The following CSMD1 variants were observed in gnomAD, a reference collection of about 807,000 sequenced individuals.
The protein encoded by CSMD1 is CUB and sushi domain-containing protein 1.
A neutral mutation model predicts 417.5 loss-of-function variants in CSMD1; 213 were observed. That is an observed-to-expected ratio of 0.51 (90% confidence interval 0.46 to 0.57). The LOEUF (loss-of-function observed/expected upper bound fraction) is 0.57. CSMD1 is among the 20% of genes least tolerant of loss of function. The pLI is 0.00. For synonymous variants in CSMD1, 2,862 were observed against 1,736.8 expected, an observed-to-expected ratio of 1.65 and a Z score of -16.11; for missense variants, 6,923 against 4,529.7, an observed-to-expected ratio of 1.53 and a Z score of -15.17.
At chr8:4,482,280 G>T (rs144641315) in intron 2 of CSMD1, among the ~76,000 whole-genome samples, 5 of 152,136 alleles carry the variant, frequency 3.3e-5, no homozygotes, top group East Asian at 3.9e-4. Context: ...AGTGTGTGTT[G>T]TTCCTCTCTG....
chr8:3,276,312 C>G (rs550028554), intron 26 of CSMD1, among the ~76,000 whole-genome samples: 101 of 152,282 alleles, frequency 6.6e-4, no homozygotes, highest in African/African-American at 2.4e-3. Flanking sequence ...GGGAGAACCA[C>G]TGCTCTCTTC....
intron 5 of CSMD1, among the ~76,000 whole-genome samples, chr8:3,797,806 T>C (rs1050280892): frequency 6.6e-6 from 1 of 151,976 alleles, no homozygotes; most frequent in African/African-American, 2.4e-5. Context: ...TAGGTAGGTA[T>C]ATGTCTGACT....
intron 5 of CSMD1, among the ~76,000 whole-genome samples, chr8:3,819,862 G>A (rs1261197128): frequency 1.3e-5 from 2 of 152,110 alleles, no homozygotes; most frequent in African/African-American, 4.8e-5. Context: ...GATTTTGCAA[G>A]GGGTAAACTA....
intron 54 of CSMD1, among the ~76,000 whole-genome samples, chr8:2,997,297 T>C (rs1015033862): frequency 2.0e-5 from 3 of 152,234 alleles, no homozygotes; most frequent in East Asian, 3.8e-4. Flanking sequence ...CAACTTCTAA[T>C]CATTTTTTAA....
intron 13 of CSMD1, among the ~76,000 whole-genome samples, chr8:3,409,127 A>C (rs1000777637): frequency 2.0e-5 from 3 of 152,194 alleles, no homozygotes; most frequent in Admixed American, 1.3e-4. Flanking sequence ...GATACAGCAG[A>C]TCATCACTGG....
chr8:3,332,557 A>G (rs1418744151), intron 23 of CSMD1, among the ~76,000 whole-genome samples: 1 of 152,248 alleles, frequency 6.6e-6, no homozygotes, highest in South Asian at 2.1e-4. Context: ...CAGACAACAG[A>G]TTAACTACTG....
At chr8:3,633,847 C>G (rs780626575) in intron 7 of CSMD1, among the ~76,000 whole-genome samples, 18 of 152,112 alleles carry the variant, frequency 1.2e-4, no homozygotes, top group Non-Finnish European at 1.9e-4. Context: ...AAATATCAGG[C>G]TGTGAACATC....
intron 41 of CSMD1, among the ~76,000 whole-genome samples, chr8:3,141,954 T>C (rs374898108): frequency 0.031 from 4,656 of 152,024 alleles, 88 homozygotes; most frequent in African/African-American, 0.051. Flanking sequence ...CCCGCCACTA[T>C]GCCCAGCTAA....
chr8:4,765,247 T>C (rs1435605017), intron 1 of CSMD1, among the ~76,000 whole-genome samples: 1 of 152,186 alleles, frequency 6.6e-6, no homozygotes, highest in Non-Finnish European at 1.5e-5. Context: ...CTTACAATAA[T>C]GACTTTCCAT....
At chr8:3,263,709 G>C (rs1436408601) in intron 26 of CSMD1, among the ~76,000 whole-genome samples, 2 of 152,124 alleles carry the variant, frequency 1.3e-5, no homozygotes, top group Non-Finnish European at 2.9e-5. Context: ...AATAGTATTT[G>C]AATCACTTAT....
intron 12 of CSMD1, among the ~76,000 whole-genome samples, chr8:3,428,491 T>C (rs1735245313): frequency 6.6e-6 from 1 of 152,050 alleles, no homozygotes; most frequent in Admixed American, 6.6e-5. Context: ...AAAGAAGGTA[T>C]TCAAATAAAA....
intron 25 of CSMD1, among the ~76,000 whole-genome samples, chr8:3,306,782 G>C (rs1020680940): frequency 1.3e-5 from 2 of 151,916 alleles, no homozygotes; most frequent in Admixed American, 6.6e-5. Context: ...TTTGCCTTAT[G>C]TGCTATGGTT....
At chr8:4,758,570 C>G (rs114936148) in intron 1 of CSMD1, among the ~76,000 whole-genome samples, 1 of 152,194 alleles carries the variant, frequency 6.6e-6, no homozygotes, top group Admixed American at 6.5e-5. Flanking sequence ...CATTTTCTCA[C>G]TGCTATACCA....
At chr8:3,723,829 G>A (rs138083215) in intron 6 of CSMD1, among the ~76,000 whole-genome samples, 4 of 152,074 alleles carry the variant, frequency 2.6e-5, no homozygotes, top group African/African-American at 7.2e-5. Flanking sequence ...ACCAAATCAC[G>A]GATGAGTAAA....
intron 28 of CSMD1, among the ~76,000 whole-genome samples, chr8:3,221,529 A>AAAACAAACAAACAAAC (rs35213930): frequency 6.7e-6 from 1 of 150,182 alleles, no homozygotes; most frequent in Non-Finnish European, 1.5e-5. Context: ...CAGACACAGG[A>AAAACAAACAAACAAAC]AAACAAACAA....
At chr8:3,667,675 C>G (rs566656001) in intron 7 of CSMD1, among the ~76,000 whole-genome samples, 1 of 152,112 alleles carries the variant, frequency 6.6e-6, no homozygotes, top group Non-Finnish European at 1.5e-5. Context: ...GAGCAGTTGT[C>G]CACGCATGGT....
intron 2 of CSMD1, among the ~76,000 whole-genome samples, chr8:4,471,580 G>C (rs1361842250): frequency 2.0e-5 from 3 of 152,090 alleles, no homozygotes; most frequent in Non-Finnish European, 4.4e-5. Flanking sequence ...GCCCGTTTTA[G>C]AGAGAGGTGC....
chr8:4,820,505 G>C (rs17071587), intron 1 of CSMD1, among the ~76,000 whole-genome samples: 44,795 of 152,004 alleles, frequency 0.29, 7,733 homozygotes, highest in Admixed American at 0.46. Context: ...TAAGGAAATG[G>C]CCAACCTCCT....
intron 7 of CSMD1, among the ~76,000 whole-genome samples, chr8:3,688,632 A>T (rs1800069971): frequency 6.6e-6 from 1 of 152,384 alleles, no homozygotes; most frequent in South Asian, 2.1e-4. Flanking sequence ...TAGCAAAAAT[A>T]CAAATTCTAG....
Sources: gnomAD v4.1 joint callset for allele counts (sites outside exome capture counted in the v4.1 genomes callset) on GRCh38, gnomAD v4.1.1 for gene constraint, MANE v1.5 for transcripts, NCBI Gene and HGNC (gene_info 2026-07-23, HGNC 2026-07-21) for gene names.